Variants in PPM1A observed in about 807,000 individuals in gnomAD.
The protein encoded by PPM1A is protein phosphatase, Mg2+/Mn2+ dependent 1A, also known as protein phosphatase 1A.
A neutral mutation model predicts 35.0 loss-of-function variants in PPM1A; 7 were observed. The observed-to-expected ratio is 0.20, with a 90% confidence interval of 0.11 to 0.38. The LOEUF is 0.38. Ranked by LOEUF, PPM1A falls within the 10% of genes least tolerant of loss-of-function variation. The probability of loss-of-function intolerance (pLI) is 1.00; values close to 1 mark genes in which losing one functional copy is unlikely to be tolerated. For missense variants in PPM1A, 239 were observed against 467.8 expected (o/e 0.51, Z 4.51); for synonymous variants, 153 against 167.3 (o/e 0.91, Z 0.66).
Position 60,279,412 on chromosome 14 carries a change from C to T in PPM1A, c.-20-3272C>T, listed in dbSNP as rs557416864. On this transcript the variant is annotated intron_variant, in intron 1 of 5. Coordinates refer to ENST00000395076, the MANE Select transcript of PPM1A (RefSeq NM_021003.5). Reference sequence around the variant, plus strand: ...GATTACAGGCGTGAGCCACTGCGCTCGGCCTATTTTATCTTTTTCAAATGC... The same window carrying T: ...GATTACAGGCGTGAGCCACTGCGCTTGGCCTATTTTATCTTTTTCAAATGC... Among the ~76,000 whole-genome samples the T allele has an allele frequency of 1.5e-4, 23 of 152,272 alleles. No individual in the cohort carries two copies. The East Asian group carries it at 3.7e-3, about 24-fold the overall frequency.
Position 60,267,322 on chromosome 14 carries a change from C to G in PPM1A, c.-20-15362C>G, listed in dbSNP as rs139925904. ...TATTATATTAAGGAATAAATTTTATCAAATCCCTTTCAGAATATGATGAGA... is the reference window on the plus strand; with the variant it reads ...TATTATATTAAGGAATAAATTTTATGAAATCCCTTTCAGAATATGATGAGA... On this transcript the variant is annotated intron_variant, in intron 1 of 5. Transcript: ENST00000395076. 5.9e-5 allele frequency: 9 copies of G among 152,192 alleles called. No homozygotes were observed. In the East Asian group the frequency reaches 1.7e-3, roughly 29 times the overall value. The allele number at this position is 152,192 out of a possible 1,614,324, so 9.4% of individuals were successfully genotyped here. A position where few individuals can be genotyped will look rare whatever the true frequency, so the allele number is the denominator to read the frequency against.
upstream of PPM1A, chr14:60,246,136 GA>G (rs1046079601): frequency 7.8e-7 from 1 of 1,276,160 alleles, no homozygotes; most frequent in African/African-American, 1.5e-5. Flanking sequence ...AAAGGATGGT[GA>G]GGGGTATTCT....
chr14:60,266,877 A>G (rs1162491857), intron 1 of PPM1A, among the ~76,000 whole-genome samples: 1 of 152,148 alleles, frequency 6.6e-6, no homozygotes, highest in Non-Finnish European at 1.5e-5. Context: ...TAAAGGGAGG[A>G]TAACCATCTT....
chr14:60,246,802 G>C (rs1881810555), upstream of PPM1A, among the ~76,000 whole-genome samples: 1 of 152,160 alleles, frequency 6.6e-6, no homozygotes, highest in Non-Finnish European at 1.5e-5. Context: ...GCTGTATTCA[G>C]AAATAAATAG....
In PPM1A at chr14:60,273,605, A is replaced by C. The variant is rs1885412889; in HGVS notation, c.-20-9079A>C. On this transcript the variant is annotated intron_variant, in intron 1 of 5. Coordinates refer to ENST00000395076, the MANE Select transcript of PPM1A (RefSeq NM_021003.5). This position sits in a 1 kb window ranked among gnomAD's most constrained non-coding sequence, Gnocchi z 4.3. Reference sequence around the variant, plus strand: ...GATATGGTGAAATTTGTATTTTGAAAGATTTACTTAGGCTGCAGTTTGGAG... The same window carrying C: ...GATATGGTGAAATTTGTATTTTGAACGATTTACTTAGGCTGCAGTTTGGAG... 6.6e-6 allele frequency among the ~76,000 whole-genome samples: 1 copy of C among 152,182 alleles called. No individual in the cohort carries two copies.
intron 1 of PPM1A, among the ~76,000 whole-genome samples, chr14:60,257,365 C>A (rs1019583692): frequency 1.3e-5 from 2 of 152,084 alleles, no homozygotes; most frequent in African/African-American, 4.8e-5. Context: ...CAATATATGA[C>A]TGTTAAATTT....
chr14:60,267,144 A>T (rs569388757), intron 1 of PPM1A: 1 of 151,976 alleles, frequency 6.6e-6, no homozygotes, highest in African/African-American at 2.4e-5. Context: ...TCTCCTTATA[A>T]TTTTATGCCT....
chr14:60,255,279 C>G (rs1014356038), intron 1 of PPM1A, among the ~76,000 whole-genome samples: 2 of 148,978 alleles, frequency 1.3e-5, no homozygotes, highest in African/African-American at 5.1e-5. Context: ...TCACGCCATT[C>G]TCCTGCCTCA....
At chr14:60,278,513 C>G (rs1301637470) in intron 1 of PPM1A, among the ~76,000 whole-genome samples, 2 of 152,194 alleles carry the variant, frequency 1.3e-5, no homozygotes, top group Non-Finnish European at 2.9e-5. Flanking sequence ...CCTGCAGATA[C>G]AGTTGTATCC....
upstream of PPM1A, among the ~76,000 whole-genome samples, chr14:60,246,401 G>C (rs1175386643): frequency 1.3e-5 from 2 of 152,096 alleles, no homozygotes; most frequent in African/African-American, 4.8e-5. Flanking sequence ...ACTAAATTCA[G>C]GACTTTAAAG....
chr14:60,272,135 C>CT (rs1322581818), intron 1 of PPM1A, among the ~76,000 whole-genome samples: 3 of 150,898 alleles, frequency 2.0e-5, no homozygotes, highest in African/African-American at 7.3e-5. Flanking sequence ...TTGGGCAAGT[C>CT]TAAGTTCTTT....
At chr14:60,260,732 C>T (rs1452452146) in intron 1 of PPM1A, among the ~76,000 whole-genome samples, 1 of 152,116 alleles carries the variant, frequency 6.6e-6, no homozygotes, top group African/African-American at 2.4e-5. Flanking sequence ...CATTTTCTGT[C>T]TATAGATTTG....
rs1300979220 is a variant in PPM1A, at chr14:60,289,335, GAGTT to G, written c.953-467_953-464del. Among the ~76,000 whole-genome samples, 3 of 151,942 alleles carry G rather than the reference GAGTT, an allele frequency of 2.0e-5. No homozygotes were observed. The highest frequency in any genetic ancestry group is 6.6e-5 in the Admixed American group (1 of 15,258). Reference sequence around the variant, plus strand: ...TATAAATATATACATAAAAATAATTGAGTTAGTATATAATCTATAAATTCCCCTA... The same window carrying G: ...TATAAATATATACATAAAAATAATTGAGTATATAATCTATAAATTCCCCTA... On this transcript the variant is annotated intron_variant, in intron 3 of 5. Coordinates refer to ENST00000395076, the MANE Select transcript of PPM1A (RefSeq NM_021003.5). This position sits in a 1 kb window ranked among gnomAD's most constrained non-coding sequence, Gnocchi z 4.1.
intron 1 of PPM1A, among the ~76,000 whole-genome samples, chr14:60,270,775 G>A (rs928704818): frequency 6.6e-6 from 1 of 152,138 alleles, no homozygotes. Flanking sequence ...AAATGATAGG[G>A]ATTTTGTCCT....
chr14:60,289,980 TA>T lies in PPM1A; in HGVS notation c.1061+70del, dbSNP rs1229108831. The T allele has an allele frequency of 8.7e-7, 1 of 1,143,752 alleles. No homozygotes were observed. Among genetic ancestry groups the T allele is most frequent in the African/African-American group, 1.6e-5 (1 of 61,064 alleles). The allele number at this position is 1,143,752 out of a possible 1,614,324, so 70.9% of individuals were successfully genotyped here. On this transcript the variant is annotated intron_variant, in intron 4 of 5. Coordinates refer to ENST00000395076, the MANE Select transcript of PPM1A (RefSeq NM_021003.5). This position sits in a 1 kb window ranked among gnomAD's most constrained non-coding sequence, Gnocchi z 4.1. ...TATGAAAATGTTAGGTATTCATTGA[TA>T]AAATGTTTGTTTGCCTAATTTCTGA...
At chr14:60,263,357 G>T (rs566627991) in intron 1 of PPM1A, among the ~76,000 whole-genome samples, 2 of 152,222 alleles carry the variant, frequency 1.3e-5, no homozygotes, top group Admixed American at 1.3e-4. Flanking sequence ...CTTGGCCTTT[G>T]TAGGTTTTTT....
rs1202488474 is a variant in PPM1A at position 60,249,947 on chromosome 14, C to A, written c.-21+270C>A. On this transcript the variant is annotated intron_variant, in intron 1 of 5. Coordinates refer to ENST00000395076, the MANE Select transcript of PPM1A (RefSeq NM_021003.5). This position sits in a 1 kb window ranked among gnomAD's most constrained non-coding sequence, Gnocchi z 4.5. Reference sequence around the variant, plus strand: ...CGGGGAGGGGGCGCGACCCTCTGGCCGTCCGCGGCCGAGATGGGTGTTTGT... The same window carrying A: ...CGGGGAGGGGGCGCGACCCTCTGGCAGTCCGCGGCCGAGATGGGTGTTTGT... Among the ~76,000 whole-genome samples, 1 of 151,532 alleles carries A rather than the reference C, an allele frequency of 6.6e-6. No homozygotes were observed. Among genetic ancestry groups the A allele is most frequent in the African/African-American group, 2.4e-5 (1 of 41,312 alleles).
rs910011449 is a variant in PPM1A at position 60,289,446 on chromosome 14, A to G, written c.953-360A>G. Among the ~76,000 whole-genome samples, 1 of 152,176 alleles carries G rather than the reference A, an allele frequency of 6.6e-6. No homozygotes were observed. The highest frequency in any genetic ancestry group is 2.1e-4 in the South Asian group (1 of 4,834). On this transcript the variant is annotated intron_variant, in intron 3 of 5. Transcript: ENST00000395076. The surrounding 1 kb of genome is among the most constrained non-coding windows in gnomAD (Gnocchi z 4.1). Reference sequence around the variant, plus strand: ...CAGTGTATTATATAGGGCAAAGTTCAGGAAACATGTTTCCAGTCTAAAGAG... The same window carrying G: ...CAGTGTATTATATAGGGCAAAGTTCGGGAAACATGTTTCCAGTCTAAAGAG...
intron 1 of PPM1A, among the ~76,000 whole-genome samples, chr14:60,272,183 T>A (rs78596673): frequency 0.015 from 2,236 of 152,302 alleles, 53 homozygotes; most frequent in African/African-American, 0.051. Flanking sequence ...CTAGATGTGT[T>A]ATTTTTACAG....
Sources: gnomAD v4.1 joint callset for allele counts (sites outside exome capture counted in the v4.1 genomes callset) on GRCh38, gnomAD v4.1.1 for gene constraint, Gnocchi (gnomAD v3.1) non-coding constraint, MANE v1.5 for transcripts, NCBI Gene and HGNC (gene_info 2026-07-23, HGNC 2026-07-21) for gene names.